ANKRD45: variants seen among roughly 807,000 people sequenced by gnomAD.
ANKRD45 encodes ankyrin repeat domain 45, also known as ankyrin repeat domain-containing protein 45.
In ANKRD45, 21 loss-of-function variants were observed where a neutral mutation model predicts 28.1. The ratio of observed to expected loss-of-function variants is 0.75; its 90% CI spans 0.53 to 1.08. The LOEUF is 1.08. Among genes scored for constraint, ANKRD45 ranks in the 50% least tolerant of loss-of-function variants. The pLI is 0.00. For missense variants in ANKRD45, 261 were observed against 308.7 expected, an observed-to-expected ratio of 0.85 and a Z score of 1.16; for synonymous variants, 86 against 103.9, an observed-to-expected ratio of 0.83 and a Z score of 1.05.
At chr1:173,640,114 G>T (rs1668638365) in intron 3 of ANKRD45, among the ~76,000 whole-genome samples, 1 of 152,090 alleles carries the variant, frequency 6.6e-6, no homozygotes, top group African/African-American at 2.4e-5. Flanking sequence ...TCCCTGAAAG[G>T]ATATAGGCCT....
chr1:173,680,015 C>T, the ANKRD45 span, among the ~76,000 whole-genome samples: 4 of 152,080 alleles, frequency 2.6e-5, 1 homozygote, highest in Non-Finnish European at 4.4e-5. Context: ...GTTAGAATGG[C>T]GATCATTAAA....
intron 5 of ANKRD45, among the ~76,000 whole-genome samples, chr1:173,623,007 C>G (rs906790309): frequency 4.0e-5 from 6 of 151,264 alleles, no homozygotes; most frequent in Admixed American, 1.3e-4. Context: ...ACAGACACTT[C>G]TCAAAAGAAG....
chr1:173,623,686 A>G (rs1336710606), intron 5 of ANKRD45, among the ~76,000 whole-genome samples: 1 of 152,184 alleles, frequency 6.6e-6, no homozygotes, highest in East Asian at 1.9e-4. Flanking sequence ...ACTATCCACA[A>G]TAGCAAAAAC....
At chr1:173,703,207 ATT>A in the ANKRD45 span, among the ~76,000 whole-genome samples, 2 of 140,242 alleles carry the variant, frequency 1.4e-5, no homozygotes, top group African/African-American at 5.3e-5. Flanking sequence ...TACCCAGCTA[ATT>A]TTTTTTTTTT....
chr1:173,646,875 G>T lies in ANKRD45; in HGVS notation c.467C>A (p.Thr156Asn). Residue 156 changes from threonine to asparagine, a missense_variant, in exon 3 of 6, where the codon ACT (threonine) becomes AAT (asparagine). Thr to Asn is a moderately conservative substitution (Grantham distance 65). Coordinates refer to ENST00000333279, the MANE Select transcript of ANKRD45 (RefSeq NM_198493.3). ...CCAGTCCAGGAATTCAACACACTCA[G>T]TCTGAGAATATCTAGCAGCAACATC... The part of the protein sequence containing the change: ...ARDVAARYSQ[T>N]ECVEFLDWAD... 1 of 1,614,128 alleles carries T rather than the reference G, an allele frequency of 6.2e-7. No individual in the cohort carries two copies. The highest frequency in any genetic ancestry group is 1.1e-5 in the South Asian group (1 of 91,072).
chr1:173,681,628 A>G, the ANKRD45 span, among the ~76,000 whole-genome samples: 171 of 152,314 alleles, frequency 1.1e-3, 2 homozygotes, highest in African/African-American at 4.0e-3. Context: ...CTGTTTCACA[A>G]TCCTAGGCAG....
chr1:173,617,063 G>A (rs752652872), intron 5 of ANKRD45, among the ~76,000 whole-genome samples: 8 of 152,006 alleles, frequency 5.3e-5, no homozygotes, highest in African/African-American at 9.7e-5. Flanking sequence ...GCAACCCACC[G>A]ATCACGAGAT....
chr1:173,671,876 C>A (rs1422429811), upstream of ANKRD45, among the ~76,000 whole-genome samples: 3 of 147,618 alleles, frequency 2.0e-5, no homozygotes, highest in Admixed American at 6.8e-5. Flanking sequence ...AGCAAGACTC[C>A]GTCTCAAAAA....
intron 5 of ANKRD45, among the ~76,000 whole-genome samples, chr1:173,624,088 T>A (rs1423364113): frequency 1.3e-5 from 2 of 152,038 alleles, no homozygotes; most frequent in Non-Finnish European, 2.9e-5. Context: ...CCTGCACATG[T>A]ACCCTGCAAC....
intron 5 of ANKRD45, among the ~76,000 whole-genome samples, chr1:173,611,866 A>G (rs1667173061): frequency 6.6e-6 from 1 of 152,210 alleles, no homozygotes; most frequent in Non-Finnish European, 1.5e-5. Context: ...ATGGGAGGAA[A>G]TAGAATCATA....
At chr1:173,641,625 G>C (rs1668703972) in intron 3 of ANKRD45, among the ~76,000 whole-genome samples, 1 of 152,170 alleles carries the variant, frequency 6.6e-6, no homozygotes, top group African/African-American at 2.4e-5. Flanking sequence ...CTTATAATTG[G>C]AGTGGTACTT....
chr1:173,674,169 C>G (rs1670341491), upstream of ANKRD45, among the ~76,000 whole-genome samples: 1 of 151,864 alleles, frequency 6.6e-6, no homozygotes, highest in South Asian at 2.1e-4. Flanking sequence ...ACCACCATGC[C>G]CAGCTAATTT....
chr1:173,706,101 G>A, the ANKRD45 span, among the ~76,000 whole-genome samples: 3 of 151,784 alleles, frequency 2.0e-5, no homozygotes, highest in African/African-American at 4.8e-5. Flanking sequence ...TCAGGAGTTC[G>A]AGACCAGCCT....
the ANKRD45 span, among the ~76,000 whole-genome samples, chr1:173,705,318 C>T: frequency 1.3e-4 from 20 of 151,228 alleles, no homozygotes; most frequent in East Asian, 1.9e-4. Context: ...AAAATAAATG[C>T]CTTTTAGTAA....
At chr1:173,667,844 T>C (rs1670091245) in intron 1 of ANKRD45, 1 of 255,626 alleles carries the variant, frequency 3.9e-6, no homozygotes. Flanking sequence ...AGGAATTTTC[T>C]TTACATATTT....
the ANKRD45 span, among the ~76,000 whole-genome samples, chr1:173,685,925 T>TA: frequency 6.6e-6 from 1 of 152,156 alleles, no homozygotes; most frequent in African/African-American, 2.4e-5. Flanking sequence ...GTTCCTTTAA[T>TA]AAAATGAATG....
chr1:173,678,261 A>G, the ANKRD45 span, among the ~76,000 whole-genome samples: 2 of 152,192 alleles, frequency 1.3e-5, no homozygotes, highest in Non-Finnish European at 2.9e-5. Flanking sequence ...ACAAAACAAA[A>G]AAAGAAAATT....
chr1:173,710,607 G>A, the ANKRD45 span, among the ~76,000 whole-genome samples: 1 of 152,076 alleles, frequency 6.6e-6, no homozygotes, highest in Non-Finnish European at 1.5e-5. Context: ...TCCCATTCTG[G>A]TGGAATGCCC....
chr1:173,680,047 T>G, the ANKRD45 span, among the ~76,000 whole-genome samples: 1 of 152,306 alleles, frequency 6.6e-6, no homozygotes, highest in East Asian at 1.9e-4. Flanking sequence ...CAACAGATGC[T>G]GGAGAGGATG....
Sources: gnomAD v4.1 joint callset for allele counts (sites outside exome capture counted in the v4.1 genomes callset) on GRCh38, gnomAD v4.1.1 for gene constraint, MANE v1.5 for transcripts, NCBI Gene and HGNC (gene_info 2026-07-23, HGNC 2026-07-21) for gene names.